Variants in EFR3A observed in about 807,000 individuals in gnomAD.
EFR3A encodes the protein protein EFR3 homolog A.
In EFR3A, 76 loss-of-function variants were observed where a neutral mutation model predicts 104.4. That is an observed-to-expected ratio of 0.73 (90% CI 0.60 to 0.88). EFR3A has a LOEUF of 0.88. Among genes scored for constraint, EFR3A ranks in the 40% least tolerant of loss-of-function variants. The pLI, the probability that EFR3A is intolerant of heterozygous loss-of-function variation, is 0.00. For missense variants in EFR3A, 985 were observed against 1,012.5 expected (o/e 0.97, Z 0.37); for synonymous variants, 330 against 330.0 (o/e 1.00, Z 0.00).
rs558114766 is a variant in EFR3A, at chr8:131,932,409, T to C, written c.11-8090T>C. 3.9e-5 allele frequency among the ~76,000 whole-genome samples: 6 copies of C among 152,242 alleles called. No individual in the cohort carries two copies. In the East Asian group the frequency reaches 9.7e-4, roughly 25 times the overall value. ...GTTTTCAAAAAGACATTTAACAATG[T>C]TCCTTGGTGTTCCATGAATATTTAT... On this transcript the variant is annotated intron_variant, in intron 1 of 22. Transcript: ENST00000254624.
chr8:131,923,777 G>T (rs138658812), intron 1 of EFR3A, among the ~76,000 whole-genome samples: 1 of 152,036 alleles, frequency 6.6e-6, no homozygotes, highest in Non-Finnish European at 1.5e-5. Flanking sequence ...TTGCCAGTGC[G>T]CACTCAGAAG....
At chr8:131,984,449 C>A in intron 15 of EFR3A, 149 bp downstream of exon 15, 1 of 749,320 alleles carries the variant, frequency 1.3e-6, no homozygotes, top group Non-Finnish European at 2.0e-6. Context: ...CTACATTCTT[C>A]ATTTATTCCT....
chr8:131,955,339 G>A lies in EFR3A; in HGVS notation c.639-429G>A, dbSNP rs539089810. Among the ~76,000 whole-genome samples the A allele has an allele frequency of 1.8e-3, 279 of 152,212 alleles. 2 individuals carry two copies. The highest frequency in any genetic ancestry group is 6.5e-3 in the African/African-American group (271 of 41,562). ...GACAGCTACGTATACAGATATTCTA[G>A]TTAGCTTTTAAATTTTATTTTTTAT... On this transcript the variant is annotated intron_variant, in intron 6 of 22. Coordinates refer to ENST00000254624, the MANE Select transcript of EFR3A (RefSeq NM_015137.6).
chr8:131,912,650 C>A (rs1390759204), intron 1 of EFR3A, among the ~76,000 whole-genome samples: 1 of 152,142 alleles, frequency 6.6e-6, no homozygotes, highest in Non-Finnish European at 1.5e-5. Context: ...AGTTAGCATT[C>A]TACAATCAGA....
At chr8:131,988,513 C>T (rs17647993) in intron 18 of EFR3A, among the ~76,000 whole-genome samples, 10,378 of 151,850 alleles carry the variant, frequency 0.068, 445 homozygotes, top group Non-Finnish European at 0.093. Flanking sequence ...TCATAACAGT[C>T]TGAGATGTTA....
Position 131,904,159 on chromosome 8 carries a change from C to T in EFR3A, c.-154C>T, listed in dbSNP as rs928419851. The T allele has an allele frequency of 1.1e-6, 1 of 903,734 alleles. No homozygotes were observed. Among genetic ancestry groups the T allele is most frequent in the Non-Finnish European group, 1.4e-6 (1 of 690,734 alleles). The allele number at this position is 903,734 out of a possible 1,614,324, so 56.0% of individuals were successfully genotyped here. A position where few individuals can be genotyped will look rare whatever the true frequency, so the allele number is the denominator to read the frequency against. On this transcript the variant is annotated 5_prime_UTR_variant, in exon 1 of 23. Transcript: ENST00000254624. ...GCTGTCGCCCGCTTGGTTGCGTGACCGCGGGGTCCGCGTCCGCTCCCTCCA... is the reference window on the plus strand; with the variant it reads ...GCTGTCGCCCGCTTGGTTGCGTGACTGCGGGGTCCGCGTCCGCTCCCTCCA...
At chr8:131,905,612 TC>T (rs768754399) in intron 1 of EFR3A, among the ~76,000 whole-genome samples, 45 of 152,340 alleles carry the variant, frequency 3.0e-4, no homozygotes, top group Middle Eastern at 3.4e-3. Flanking sequence ...GGACTTCGCA[TC>T]CAGTAAATAT....
chr8:132,000,696 T>TA (rs1333919352), intron 19 of EFR3A: 2 of 152,162 alleles, frequency 1.3e-5, no homozygotes, highest in Non-Finnish European at 2.9e-5. Flanking sequence ...TTCACTGAAG[T>TA]ACTAGAATGC....
At chr8:131,948,482 C>A (rs867717639) in intron 4 of EFR3A, among the ~76,000 whole-genome samples, 1 of 152,140 alleles carries the variant, frequency 6.6e-6, no homozygotes, top group African/African-American at 2.4e-5. Flanking sequence ...TTATCACTTA[C>A]TTCAGCAGGA....
chr8:131,961,788 A>T (rs1175493676), intron 8 of EFR3A, among the ~76,000 whole-genome samples: 1 of 152,216 alleles, frequency 6.6e-6, no homozygotes, highest in Admixed American at 6.5e-5. Context: ...TGAAGGAAAA[A>T]ATATTAAGGG....
chr8:131,977,816 A>G (rs530745838), intron 12 of EFR3A, among the ~76,000 whole-genome samples: 1 of 152,080 alleles, frequency 6.6e-6, no homozygotes, highest in African/African-American at 2.4e-5. Context: ...TTTGAATTCT[A>G]ATATAGCCAG....
rs1297474579 is a variant in EFR3A at position 132,011,097 on chromosome 8, C to G, written c.*202C>G. 1.6e-6 allele frequency: 2 copies of G among 1,228,990 alleles called. No homozygotes were observed. The highest frequency in any genetic ancestry group is 2.0e-6 in the Non-Finnish European group (2 of 979,876). The allele number at this position is 1,228,990 out of a possible 1,614,324, so 76.1% of individuals were successfully genotyped here. ...AGTACTTTCAAAGATAGATTTATGC[C>G]ATGTTAATTTGCTTTGAGGTTCCTG... On this transcript the variant is annotated 3_prime_UTR_variant, in exon 23 of 23. Transcript: ENST00000254624.
At chr8:131,905,308 C>T (rs1467446301) in intron 1 of EFR3A, among the ~76,000 whole-genome samples, 3 of 152,100 alleles carry the variant, frequency 2.0e-5, no homozygotes, top group Non-Finnish European at 2.9e-5. Flanking sequence ...GTTTTGTAGC[C>T]ATCTGGGACG....
At position 131,968,285 on chromosome 8, in the gene EFR3A, T is replaced by C. The variant is rs1332417748; in HGVS notation, c.856-10T>C. On this transcript the variant is annotated splice_polypyrimidine_tract_variant and intron_variant, in intron 8 of 22. Coordinates refer to ENST00000254624, the MANE Select transcript of EFR3A (RefSeq NM_015137.6). ...TTTTATACATCTTTGTACTGTTTTGTCTCCTTCAGGCTCAGTATTCTCACC... is the reference window on the plus strand; with the variant it reads ...TTTTATACATCTTTGTACTGTTTTGCCTCCTTCAGGCTCAGTATTCTCACC... 5 of 1,612,410 alleles carry C rather than the reference T, an allele frequency of 3.1e-6. No individual in the cohort carries two copies. The highest frequency in any genetic ancestry group is 1.3e-5 in the African/African-American group (1 of 74,874).
intron 1 of EFR3A, among the ~76,000 whole-genome samples, chr8:131,914,604 C>G (rs1816663439): frequency 6.6e-6 from 1 of 151,948 alleles, no homozygotes; most frequent in Non-Finnish European, 1.5e-5. Context: ...AGGTGGCCCT[C>G]TCTATCTGAC....
intron 1 of EFR3A, among the ~76,000 whole-genome samples, chr8:131,927,739 A>C: frequency 6.6e-6 from 1 of 152,164 alleles, no homozygotes; most frequent in East Asian, 1.9e-4. Context: ...ATTCATTTAC[A>C]ATTTACAACT....
intron 1 of EFR3A, among the ~76,000 whole-genome samples, chr8:131,920,698 T>C (rs567011403): frequency 1.7e-3 from 252 of 152,120 alleles, no homozygotes; most frequent in Non-Finnish European, 2.7e-3. Context: ...TTTTTTTTTT[T>C]CAAAAAGAAC....
At chr8:131,926,591 C>T (rs1395134665) in intron 1 of EFR3A, among the ~76,000 whole-genome samples, 2 of 152,012 alleles carry the variant, frequency 1.3e-5, no homozygotes, top group African/African-American at 2.4e-5. Flanking sequence ...TCAGGAAACA[C>T]ACCTGTAAGT....
intron 1 of EFR3A, among the ~76,000 whole-genome samples, chr8:131,917,321 C>T (rs1018629035): frequency 6.6e-6 from 1 of 152,228 alleles, no homozygotes; most frequent in African/African-American, 2.4e-5. Flanking sequence ...CCTTTCCTCC[C>T]CGTCGATTGG....
Sources: gnomAD v4.1 joint callset for allele counts (sites outside exome capture counted in the v4.1 genomes callset) on GRCh38, gnomAD v4.1.1 for gene constraint, MANE v1.5 for transcripts, NCBI Gene and HGNC (gene_info 2026-07-23, HGNC 2026-07-21) for gene names.